The following PTPRG variants were observed in gnomAD, a reference collection of about 807,000 sequenced individuals.
PTPRG encodes the protein protein tyrosine phosphatase receptor type G, also known as receptor-type tyrosine-protein phosphatase gamma.
PTPRG carries 102 observed loss-of-function variants against 165.3 expected under a neutral mutation model. The observed-to-expected ratio is 0.62, with a 90% CI of 0.53 to 0.73. PTPRG has a LOEUF of 0.73. Ranked by LOEUF, PTPRG falls within the 30% of genes least tolerant of loss-of-function variation. The probability of loss-of-function intolerance (pLI) is 0.00; values close to 1 mark genes in which losing one functional copy is unlikely to be tolerated. For missense variants in PTPRG, 1,866 were observed against 1,861.4 expected (o/e 1.00, Z -0.05); for synonymous variants, 675 against 669.5 (o/e 1.01, Z -0.13).
intron 3 of PTPRG, among the ~76,000 whole-genome samples, chr3:61,997,006 T>G (rs1283691707): frequency 2.0e-5 from 3 of 152,216 alleles, no homozygotes; most frequent in Non-Finnish European, 2.9e-5. Flanking sequence ...CTTTTCTGTT[T>G]TAGGGTACAG....
At chr3:61,905,797 G>A (rs866408115) in intron 2 of PTPRG, among the ~76,000 whole-genome samples, 17 of 152,280 alleles carry the variant, frequency 1.1e-4, no homozygotes, top group Middle Eastern at 3.4e-3. Context: ...AAAAATAAAA[G>A]CAAGGGCCAA....
chr3:61,571,213 C>T (rs996163114), intron 1 of PTPRG, among the ~76,000 whole-genome samples: 3 of 152,150 alleles, frequency 2.0e-5, no homozygotes, highest in Non-Finnish European at 4.4e-5. Flanking sequence ...GGTTAGGAAA[C>T]TAAAGTTGAA....
chr3:61,725,044 T>G (rs2032200029), intron 1 of PTPRG, among the ~76,000 whole-genome samples: 1 of 152,198 alleles, frequency 6.6e-6, no homozygotes, highest in Non-Finnish European at 1.5e-5. Flanking sequence ...TGAAAACTCT[T>G]CACCAAGCAC....
At chr3:62,206,912 C>CAAAAAAAAAAAAAAAAAAA (rs556974355) in intron 12 of PTPRG, among the ~76,000 whole-genome samples, 6 of 37,336 alleles carry the variant, frequency 1.6e-4, no homozygotes, top group African/African-American at 2.8e-4. Flanking sequence ...GACTCTGTCT[C>CAAAAAAAAAAAAAAAAAAA]AAAAAAAAAA....
chr3:62,069,667 C>CTG (rs1701137804), intron 4 of PTPRG, among the ~76,000 whole-genome samples: 1 of 147,072 alleles, frequency 6.8e-6, no homozygotes, highest in African/African-American at 2.6e-5. Context: ...CTCTCTCTCT[C>CTG]TCTCTCTCTC....
intron 7 of PTPRG, among the ~76,000 whole-genome samples, chr3:62,159,673 T>C (rs1471575989): frequency 6.6e-6 from 1 of 152,220 alleles, no homozygotes; most frequent in Non-Finnish European, 1.5e-5. Context: ...TGCCTTCCAA[T>C]ATATAACTTC....
intron 1 of PTPRG, among the ~76,000 whole-genome samples, chr3:61,747,729 G>A (rs1174868046): frequency 6.6e-6 from 1 of 151,956 alleles, no homozygotes; most frequent in Non-Finnish European, 1.5e-5. Flanking sequence ...AGAATGCGTT[G>A]TGTTTTCCTG....
chr3:62,256,808 A>G lies in PTPRG; in HGVS notation c.2559+1593A>G, dbSNP rs374358894. ...TCACAGCTGGTTTTGACACCATTTA[A>G]TTATTCAAAATAATCAGCTACACCT... On this transcript the variant is annotated intron_variant, in intron 16 of 29. Coordinates refer to ENST00000474889, the MANE Select transcript of PTPRG (RefSeq NM_002841.4). 1.4e-4 allele frequency among the ~76,000 whole-genome samples: 22 copies of G among 152,286 alleles called. No homozygotes were observed. The East Asian group carries it at 3.3e-3, about 23-fold the overall frequency.
chr3:61,765,361 A>T (rs1269365716), intron 2 of PTPRG, among the ~76,000 whole-genome samples: 3 of 152,186 alleles, frequency 2.0e-5, no homozygotes, highest in Non-Finnish European at 4.4e-5. Flanking sequence ...TGCTGCAGTA[A>T]AGAGGTGGTG....
At chr3:61,761,631 C>A (rs12630890) in intron 2 of PTPRG, among the ~76,000 whole-genome samples, 1 of 151,962 alleles carries the variant, frequency 6.6e-6, no homozygotes, top group Non-Finnish European at 1.5e-5. Flanking sequence ...ACTGGCATGG[C>A]GTGGTATCTC....
intron 5 of PTPRG, chr3:62,124,578 TA>T: frequency 7.7e-7 from 1 of 1,306,450 alleles, no homozygotes; most frequent in Non-Finnish European, 1.1e-6. Flanking sequence ...CTGTTTTTCC[TA>T]ATGGACCTCA....
At chr3:61,760,664 G>T (rs2037501) in intron 2 of PTPRG, among the ~76,000 whole-genome samples, 58,199 of 151,864 alleles carry the variant, frequency 0.38, 11,569 homozygotes, top group East Asian at 0.7. Context: ...GTTACAAAGG[G>T]AAAGTGCGCC....
At chr3:61,890,559 T>A (rs1442790211) in intron 2 of PTPRG, among the ~76,000 whole-genome samples, 1 of 152,080 alleles carries the variant, frequency 6.6e-6, no homozygotes, top group Non-Finnish European at 1.5e-5. Flanking sequence ...AAGCAGCTAT[T>A]TTTATAATAA....
chr3:62,050,421 G>A (rs903757137), intron 4 of PTPRG, among the ~76,000 whole-genome samples: 4 of 152,192 alleles, frequency 2.6e-5, no homozygotes, highest in Admixed American at 1.3e-4. Context: ...GCAGGCTATA[G>A]CATCTAGGTT....
intron 4 of PTPRG, among the ~76,000 whole-genome samples, chr3:62,076,322 T>C (rs1329751895): frequency 1.3e-5 from 2 of 151,998 alleles, no homozygotes; most frequent in African/African-American, 4.8e-5. Flanking sequence ...GTGATGATGA[T>C]GGTGATTTGT....
At chr3:61,681,747 C>T (rs1342936298) in intron 1 of PTPRG, among the ~76,000 whole-genome samples, 7 of 152,090 alleles carry the variant, frequency 4.6e-5, no homozygotes, top group Non-Finnish European at 7.4e-5. Flanking sequence ...TATGATTTTT[C>T]TTGCTCTGGA....
chr3:61,758,313 C>T (rs999365500), intron 2 of PTPRG, among the ~76,000 whole-genome samples: 12 of 152,250 alleles, frequency 7.9e-5, no homozygotes, highest in East Asian at 1.9e-4. Flanking sequence ...TGATATAAAA[C>T]GGGGACTTTC....
chr3:62,086,962 A>G (rs1701772623), intron 5 of PTPRG, among the ~76,000 whole-genome samples: 1 of 152,244 alleles, frequency 6.6e-6, no homozygotes, highest in South Asian at 2.1e-4. Flanking sequence ...TACATAATTA[A>G]GAGACTTTGA....
chr3:62,145,514 A>G (rs1576060133), intron 6 of PTPRG, among the ~76,000 whole-genome samples: 1 of 152,056 alleles, frequency 6.6e-6, no homozygotes, highest in Non-Finnish European at 1.5e-5. Flanking sequence ...TAATTCGTCC[A>G]TACAAAAATA....
Sources: gnomAD v4.1 joint callset for allele counts (sites outside exome capture counted in the v4.1 genomes callset) on GRCh38, gnomAD v4.1.1 for gene constraint, MANE v1.5 for transcripts, NCBI Gene and HGNC (gene_info 2026-07-23, HGNC 2026-07-21) for gene names.